Variants in TIGAR observed in about 807,000 individuals in gnomAD.
TIGAR encodes the protein TP53 induced glycolysis regulatory phosphatase, also known as fructose-2,6-bisphosphatase TIGAR.
A neutral mutation model predicts 17.9 loss-of-function variants in TIGAR; 7 were observed. That is an observed-to-expected ratio of 0.39 (90% confidence interval 0.22 to 0.73). The LOEUF (loss-of-function observed/expected upper bound fraction) is 0.73, where lower values mean the gene tolerates loss of function less well. Among genes scored for constraint, TIGAR ranks in the 30% least tolerant of loss-of-function variants. The pLI, the probability that TIGAR is intolerant of heterozygous loss-of-function variation, is 0.42. For missense variants in TIGAR, 258 were observed against 327.4 expected (o/e 0.79, Z 1.64); for synonymous variants, 94 against 108.6 (o/e 0.87, Z 0.84).
chr12:4,332,868 G>T (rs1195048685), intron 2 of TIGAR, among the ~76,000 whole-genome samples: 1 of 152,040 alleles, frequency 6.6e-6, no homozygotes, highest in Non-Finnish European at 1.5e-5. Context: ...CTTTATAAAT[G>T]CACTAGTTTG....
chr12:4,349,837 G>T lies in TIGAR; in HGVS notation c.211G>T (p.Glu71Ter), dbSNP rs1190828656. ...RTKQTMHGILERSKFCKDMTV... is the reference protein window; with the variant it reads ...RTKQTMHGIL ...TTTTCAGACCATGCATGGAATTTTG[G>T]AGAGAAGCAAATTTTGCAAAGATAT... Residue 71 changes from glutamate to a stop codon, truncating the protein, a stop_gained, in exon 4 of 6, where the codon GAG (glutamate) becomes TAG (stop). Transcript: ENST00000179259. LOFTEE classifies it high-confidence loss of function. The T allele has an allele frequency of 1.9e-6, 3 of 1,581,608 alleles. No homozygotes were observed. The highest frequency in any genetic ancestry group is 2.6e-6 in the Non-Finnish European group (3 of 1,169,044).
chr12:4,325,569 C>T (rs1199382426), intron 1 of TIGAR, among the ~76,000 whole-genome samples: 13 of 151,626 alleles, frequency 8.6e-5, no homozygotes, highest in African/African-American at 2.7e-4. Flanking sequence ...GGTGAAACCC[C>T]GTCTCTACTA....
intron 1 of TIGAR, among the ~76,000 whole-genome samples, chr12:4,328,203 T>G (rs191263594): frequency 6.6e-6 from 1 of 152,260 alleles, no homozygotes; most frequent in East Asian, 1.9e-4. Context: ...GGAAATCTTT[T>G]TTTTTGAGAT....
chr12:4,334,787 A>G (rs1225173458), intron 2 of TIGAR, among the ~76,000 whole-genome samples: 4 of 152,330 alleles, frequency 2.6e-5, no homozygotes, highest in African/African-American at 9.6e-5. Context: ...CACTTGGAAG[A>G]TAGCATTCTG....
At position 4,338,975 on chromosome 12, in the gene TIGAR, C is replaced by CAAAAAAAAA. The variant is rs199840929; in HGVS notation, c.192+1816_192+1817insAAAAAAAAA. On this transcript the variant is annotated intron_variant, in intron 3 of 5. Transcript: ENST00000179259. ...TGGGCAACAAAGCAAAACTTTGTCTCACAAAAAAAAAAAAAAAAAAAAAGA... is the reference window on the plus strand; with the variant it reads ...TGGGCAACAAAGCAAAACTTTGTCTCAAAAAAAAAACAAAAAAAAAAAAAAAAAAAAAGA... Among the ~76,000 whole-genome samples the CAAAAAAAAA allele has an allele frequency of 5.8e-4, 22 of 38,176 alleles. 1 individual carries two copies. The highest frequency in any genetic ancestry group is 2.1e-3 in the African/African-American group (22 of 10,250). 25.0% of individuals were successfully genotyped at this position (38,176 alleles called of 152,430 possible).
intron 4 of TIGAR, 36 bp downstream of exon 4, chr12:4,349,932 A>G: frequency 7.1e-7 from 1 of 1,410,900 alleles, no homozygotes; most frequent in Non-Finnish European, 9.6e-7. Context: ...CTTCCCCATA[A>G]ATTATCAGTA....
rs976472285 is a variant in TIGAR, at chr12:4,359,697, C to A, written c.*7006C>A. Among the ~76,000 whole-genome samples the A allele has an allele frequency of 1.8e-4, 28 of 152,086 alleles. No individual in the cohort carries two copies. The highest frequency in any genetic ancestry group is 6.5e-4 in the African/African-American group (27 of 41,426). On this transcript the variant is annotated 3_prime_UTR_variant, in exon 6 of 6. Transcript: ENST00000179259. ...AAGTCTTTTTGCGGACGTATGTTTT[C>A]ATTTCTCTTGGGTAAATAATCTGGG... is the stretch of plus-strand genomic sequence containing the variant.
chr12:4,339,495 T>G (rs1003746098), intron 3 of TIGAR, among the ~76,000 whole-genome samples: 8 of 152,360 alleles, frequency 5.3e-5, no homozygotes, highest in Admixed American at 2.6e-4. Context: ...CCAATCCTAC[T>G]GAAACTATTC....
rs1344218504 is a variant in TIGAR at position 4,321,655 on chromosome 12, C to A, written c.32+352C>A. Among the ~76,000 whole-genome samples the A allele has an allele frequency of 6.6e-6, 1 of 152,172 alleles. No homozygotes were observed. Among genetic ancestry groups the A allele is most frequent in the Admixed American group, 6.5e-5 (1 of 15,274 alleles). ...CTTGTCTGGGTACCGATTTTGCTCC[C>A]CAGCAGATTGCAAAGAGTTTGCAGA... On this transcript the variant is annotated intron_variant, in intron 1 of 5. Transcript: ENST00000179259. The surrounding 1 kb of genome is among the most constrained non-coding windows in gnomAD (Gnocchi z 5.2).
rs952172396 is a variant in TIGAR, at chr12:4,358,580, ATG to A, written c.*5895_*5896del. 1.3e-5 allele frequency among the ~76,000 whole-genome samples: 2 copies of A among 152,130 alleles called. No homozygotes were observed. The highest frequency in any genetic ancestry group is 4.8e-5 in the African/African-American group (2 of 41,396). ...CATACTCTTCCCCTATAAAATTTCA[ATG>A]TGTGTTTCCTGAGATCAACAATGTT... On this transcript the variant is annotated 3_prime_UTR_variant, in exon 6 of 6. Coordinates refer to ENST00000179259, the MANE Select transcript of TIGAR (RefSeq NM_020375.3).
rs867945743 is a variant in TIGAR at position 4,357,386 on chromosome 12, A to G, written c.*4695A>G. ...CAGACACAGGAGATGCAAAGGAAAG[A>G]AGTATTCAGTAGAGCGGTGGTGCTG... On this transcript the variant is annotated 3_prime_UTR_variant, in exon 6 of 6. Transcript: ENST00000179259. Among the ~76,000 whole-genome samples the G allele has an allele frequency of 6.6e-6, 1 of 152,218 alleles. No individual in the cohort carries two copies. The highest frequency in any genetic ancestry group is 6.5e-5 in the Admixed American group (1 of 15,286).
chr12:4,341,018 C>A (rs1864713937), intron 3 of TIGAR, among the ~76,000 whole-genome samples: 1 of 152,144 alleles, frequency 6.6e-6, no homozygotes, highest in East Asian at 1.9e-4. Context: ...GCACAGGCAA[C>A]CAAAGCAAAA....
chr12:4,326,266 G>A (rs1002801839), intron 1 of TIGAR, among the ~76,000 whole-genome samples: 2 of 152,148 alleles, frequency 1.3e-5, no homozygotes, highest in African/African-American at 4.8e-5. Context: ...TTTCAGCTCC[G>A]TTCACCTTCT....
chr12:4,348,757 A>G (rs1019913846), intron 3 of TIGAR, among the ~76,000 whole-genome samples: 1 of 152,190 alleles, frequency 6.6e-6, no homozygotes, highest in Non-Finnish European at 1.5e-5. Context: ...ATGTGTTTTT[A>G]AAAAAGGCAG....
At chr12:4,327,500 G>T (rs1347637884) in intron 1 of TIGAR, among the ~76,000 whole-genome samples, 3 of 152,066 alleles carry the variant, frequency 2.0e-5, no homozygotes. Flanking sequence ...GGACATGTCT[G>T]AGCAGTTTGC....
At chr12:4,350,871 CT>C (rs2120692725) in intron 4 of TIGAR, among the ~76,000 whole-genome samples, 1 of 152,090 alleles carries the variant, frequency 6.6e-6, no homozygotes, top group South Asian at 2.1e-4. Context: ...ATTTATTTAG[CT>C]ATTTCATGGT....
intron 1 of TIGAR, chr12:4,324,634 C>T (rs1436946496): frequency 1.4e-6 from 2 of 1,448,450 alleles, no homozygotes; most frequent in East Asian, 4.6e-5. Flanking sequence ...CTTGCGCAGG[C>T]GCTTCAGCAG....
chr12:4,350,671 G>A (rs904207343), intron 4 of TIGAR, among the ~76,000 whole-genome samples: 4 of 151,984 alleles, frequency 2.6e-5, no homozygotes, highest in African/African-American at 7.3e-5. Context: ...CAGCTACTCG[G>A]GAGGCTGAGG....
At position 4,352,244 on chromosome 12, in the gene TIGAR, A is replaced by G; in HGVS notation, c.382-16A>G. Reference sequence around the variant, plus strand: ...TTAATGTCACTTTATTTTGACTTTTATTTCTTTTCTTGTAGGTGAAAATGC... The same window carrying G: ...TTAATGTCACTTTATTTTGACTTTTGTTTCTTTTCTTGTAGGTGAAAATGC... On this transcript the variant is annotated splice_polypyrimidine_tract_variant and intron_variant, in intron 5 of 5. Transcript: ENST00000179259. 1 of 1,592,116 alleles carries G rather than the reference A, an allele frequency of 6.3e-7. No homozygotes were observed.
Sources: allele counts gnomAD v4.1 joint callset (sites outside exome capture counted in the v4.1 genomes callset), GRCh38; gene constraint gnomAD v4.1.1; non-coding constraint Gnocchi (gnomAD v3.1); transcripts MANE v1.5; gene names NCBI Gene and HGNC (gene_info 2026-07-23, HGNC 2026-07-21).